MAPKBP1: variants seen among roughly 807,000 people sequenced by gnomAD.
MAPKBP1 encodes mitogen-activated protein kinase binding protein 1, also known as mitogen-activated protein kinase-binding protein 1.
A neutral mutation model predicts 170.5 loss-of-function variants in MAPKBP1; 71 were observed. The observed-to-expected ratio is 0.42, with a 90% confidence interval of 0.34 to 0.51. The LOEUF (loss-of-function observed/expected upper bound fraction) is 0.51, where lower values mean the gene tolerates loss of function less well. Ranked by LOEUF, MAPKBP1 falls within the 20% of genes least tolerant of loss-of-function variation. MAPKBP1 has a pLI of 0.06. For synonymous variants in MAPKBP1, 719 were observed against 757.9 expected, an observed-to-expected ratio of 0.95 and a Z score of 0.84; for missense variants, 1,598 against 1,933.0, an observed-to-expected ratio of 0.83 and a Z score of 3.25.
At chr15:41,821,413 C>T (rs1159898329) in intron 23 of MAPKBP1, 171 bp from the exon 24 acceptor site, 8 of 650,936 alleles carry the variant, frequency 1.2e-5, no homozygotes, top group South Asian at 7.7e-5. Flanking sequence ...CCTGGCTTCT[C>T]GATGTCTGTC....
At chr15:41,819,504 A>G in intron 21 of MAPKBP1, 91 bp from the exon 22 acceptor site, 1 of 1,425,404 alleles carries the variant, frequency 7.0e-7, no homozygotes, top group South Asian at 1.2e-5. Context: ...CTGTGGCCAC[A>G]CAGGGTATGG....
chr15:41,788,114 T>G (rs1030434598), intron 2 of MAPKBP1, among the ~76,000 whole-genome samples: 1 of 152,002 alleles, frequency 6.6e-6, no homozygotes, highest in Non-Finnish European at 1.5e-5. Context: ...CGTACCACCA[T>G]GCCCGGCTAA....
chr15:41,812,088 C>A lies in MAPKBP1; in HGVS notation c.459C>A (p.Gly153=). 6.2e-7 allele frequency: 1 copy of A among 1,614,116 alleles called. No individual in the cohort carries two copies. The highest frequency in any genetic ancestry group is 1.1e-5 in the South Asian group (1 of 91,078). The part of the protein sequence containing the change: ...SPSAKYIVSV[G]YQHDMIVNVW... ...GCGCCAAGTACATTGTCTCTGTGGG[C>A]TACCAGCATGACATGATCGTCAACG... Residue 153 remains glycine (G), a synonymous_variant, in exon 6 of 31, where the codon GGC becomes GGA. Coordinates refer to ENST00000457542, the MANE Select transcript of MAPKBP1 (RefSeq NM_014994.3).
intron 3 of MAPKBP1, among the ~76,000 whole-genome samples, chr15:41,801,397 G>A (rs1343766753): frequency 6.6e-6 from 1 of 152,184 alleles, no homozygotes; most frequent in Non-Finnish European, 1.5e-5. Flanking sequence ...GATAGGCACA[G>A]GAATGTGAAA....
rs184627789 is a variant in MAPKBP1, at chr15:41,781,385, C to A, written c.114+5996C>A. Among the ~76,000 whole-genome samples, 484 of 132,084 alleles carry A rather than the reference C, an allele frequency of 3.7e-3. 3 individuals carry two copies. Among genetic ancestry groups the A allele is most frequent in the Admixed American group, 7.9e-3 (91 of 11,452 alleles). 86.7% of individuals were successfully genotyped at this position (132,084 alleles called of 152,430 possible). ...TGCTTCCCTATTTGGTAAAACAATG[C>A]TGTGGGTTTTTTTGTTTTTTTTTTT... On this transcript the variant is annotated intron_variant, in intron 2 of 30. Transcript: ENST00000457542.
chr15:41,817,600 C>A lies in MAPKBP1; in HGVS notation c.1783-14C>A. The stretch of plus-strand genomic sequence containing the variant: ...ATTTGGGTGTGGGCCTGCCCACATG[C>A]TCCACCCCTGCAGTCTGGAGATGGA... On this transcript the variant is annotated splice_polypyrimidine_tract_variant and intron_variant, in intron 15 of 30. Transcript: ENST00000457542. The surrounding 1 kb of genome is among the most constrained non-coding windows in gnomAD (Gnocchi z 4.2). 6.2e-7 allele frequency: 1 copy of A among 1,614,160 alleles called. No individual in the cohort carries two copies. The highest frequency in any genetic ancestry group is 8.5e-7 in the Non-Finnish European group (1 of 1,180,024).
At chr15:41,792,497 T>C (rs1018590210) in intron 2 of MAPKBP1, among the ~76,000 whole-genome samples, 1 of 152,322 alleles carries the variant, frequency 6.6e-6, no homozygotes. Context: ...TTGGGTATTC[T>C]CCATGCTTCA....
At chr15:41,783,156 G>T (rs1257744358) in intron 2 of MAPKBP1, among the ~76,000 whole-genome samples, 1 of 152,122 alleles carries the variant, frequency 6.6e-6, no homozygotes, top group African/African-American at 2.4e-5. Flanking sequence ...TTTGTGTGTG[G>T]GTATCATGGG....
chr15:41,810,179 C>T (rs1159167789), intron 3 of MAPKBP1, among the ~76,000 whole-genome samples: 1 of 152,230 alleles, frequency 6.6e-6, no homozygotes, highest in African/African-American at 2.4e-5. Context: ...ACGGGCTGTG[C>T]ACCCGAGGCC....
chr15:41,789,524 T>TACCTCTTCCTC (rs1161795256), intron 2 of MAPKBP1, among the ~76,000 whole-genome samples: 3 of 152,148 alleles, frequency 2.0e-5, no homozygotes, highest in Non-Finnish European at 4.4e-5. Flanking sequence ...ACGCCTTCCT[T>TACCTCTTCCTC]ACCTCTTCCT....
intron 2 of MAPKBP1, among the ~76,000 whole-genome samples, chr15:41,788,498 G>A (rs116671751): frequency 0.013 from 2,035 of 152,226 alleles, 40 homozygotes; most frequent in African/African-American, 0.047. Flanking sequence ...GTAAGAGTAC[G>A]GAGGAGGAAG....
intron 2 of MAPKBP1, among the ~76,000 whole-genome samples, chr15:41,777,763 CAT>C (rs2064121900): frequency 3.3e-5 from 5 of 152,298 alleles, no homozygotes; most frequent in Admixed American, 6.5e-5. Flanking sequence ...GTTGCTCTAA[CAT>C]GTGGTGGCTG....
intron 2 of MAPKBP1, among the ~76,000 whole-genome samples, chr15:41,781,648 C>G (rs555480832): frequency 6.6e-6 from 1 of 151,952 alleles, no homozygotes; most frequent in African/African-American, 2.4e-5. Flanking sequence ...ATCTTAAAAA[C>G]AAACAAAAAC....
chr15:41,821,510 C>T, intron 23 of MAPKBP1, 74 bp from the exon 24 acceptor site: 2 of 1,463,462 alleles, frequency 1.4e-6, no homozygotes, highest in East Asian at 2.3e-5. Flanking sequence ...CCAGGATACT[C>T]AGGGCTTACC....
intron 2 of MAPKBP1, among the ~76,000 whole-genome samples, chr15:41,779,371 G>A (rs376038908): frequency 7.2e-5 from 11 of 151,754 alleles, no homozygotes; most frequent in East Asian, 3.9e-4. Flanking sequence ...CCACCACGCC[G>A]GGCTAATTTT....
Position 41,776,255 on chromosome 15 carries a change from G to C in MAPKBP1, c.114+866G>C, listed in dbSNP as rs142934408. On this transcript the variant is annotated intron_variant, in intron 2 of 30. Coordinates refer to ENST00000457542, the MANE Select transcript of MAPKBP1 (RefSeq NM_014994.3). ...ACCCAATAGGGTTGTGAGGTACAAG[G>C]TTGTTACAGGGAGAGGCATTTGAGA... 6.2e-3 allele frequency among the ~76,000 whole-genome samples: 950 copies of C among 152,344 alleles called. 18 individuals carry two copies. Among genetic ancestry groups the C allele is most frequent in the Middle Eastern group, 0.044 (13 of 294 alleles).
At position 41,781,171 on chromosome 15, in the gene MAPKBP1, G is replaced by A. The variant is rs562482369; in HGVS notation, c.114+5782G>A. 1.1e-3 allele frequency among the ~76,000 whole-genome samples: 165 copies of A among 151,824 alleles called. 7 individuals are homozygous for A. In the South Asian group the frequency reaches 0.032, roughly 30 times the overall value. Reference sequence around the variant, plus strand: ...GCTCACTGCAACCTCCACCTCCCGGGTTCAAGTGATTCTCTTGCCTCAGCC... The same window carrying A: ...GCTCACTGCAACCTCCACCTCCCGGATTCAAGTGATTCTCTTGCCTCAGCC... On this transcript the variant is annotated intron_variant, in intron 2 of 30. Transcript: ENST00000457542.
chr15:41,777,775 G>A (rs1006834448), intron 2 of MAPKBP1, among the ~76,000 whole-genome samples: 3 of 152,234 alleles, frequency 2.0e-5, no homozygotes, highest in African/African-American at 2.4e-5. Context: ...TGTGGTGGCT[G>A]TGAGTAATCA....
At chr15:41,805,445 G>A (rs2064673548) in intron 3 of MAPKBP1, among the ~76,000 whole-genome samples, 1 of 152,256 alleles carries the variant, frequency 6.6e-6, no homozygotes, top group South Asian at 2.1e-4. Context: ...TCCTGAGAAT[G>A]GGTTTCTCCT....
Sources: allele counts gnomAD v4.1 joint callset (sites outside exome capture counted in the v4.1 genomes callset), GRCh38; gene constraint gnomAD v4.1.1; non-coding constraint Gnocchi (gnomAD v3.1); transcripts MANE v1.5; gene names NCBI Gene and HGNC (gene_info 2026-07-23, HGNC 2026-07-21).